TMPRSS15: variants seen among roughly 807,000 people sequenced by gnomAD.
The protein encoded by TMPRSS15 is enteropeptidase.
A neutral mutation model predicts 125.3 loss-of-function variants in TMPRSS15; 128 were observed. The ratio of observed to expected loss-of-function variants is 1.02; its 90% CI spans 0.89 to 1.18. The LOEUF is 1.18. Among genes scored for constraint, TMPRSS15 ranks in the 50% most tolerant of loss-of-function variants. TMPRSS15 has a pLI of 0.00. For missense variants in TMPRSS15, 1,283 were observed against 1,212.7 expected (o/e 1.06, Z -0.86); for synonymous variants, 446 against 423.2 (o/e 1.05, Z -0.66).
At chr21:18,386,334 TC>T (rs749075539) in intron 3 of TMPRSS15, among the ~76,000 whole-genome samples, 25 of 152,000 alleles carry the variant, frequency 1.6e-4, no homozygotes, top group East Asian at 1.4e-3. Flanking sequence ...ATAATTCCCA[TC>T]CCCCCACACT....
intron 21 of TMPRSS15, among the ~76,000 whole-genome samples, chr21:18,291,059 GAACTGC>G (rs1343246036): frequency 6.6e-6 from 1 of 152,154 alleles, no homozygotes; most frequent in Admixed American, 6.5e-5. Context: ...TCCTATGCAG[GAACTGC>G]AACACAATCA....
intron 1 of TMPRSS15, among the ~76,000 whole-genome samples, chr21:18,433,839 AAACT>A: frequency 6.6e-6 from 1 of 152,246 alleles, no homozygotes; most frequent in Admixed American, 6.5e-5. Flanking sequence ...TTTTGCAGAT[AAACT>A]GTAATTAACA....
At position 18,465,817 on chromosome 21, in the gene TMPRSS15, G is replaced by A. The variant is rs564979357; in HGVS notation, c.10+19982C>T. 1.7e-4 allele frequency among the ~76,000 whole-genome samples: 26 copies of A among 152,244 alleles called. 1 individual carries two copies. The highest frequency in any genetic ancestry group is 6.3e-4 in the African/African-American group (26 of 41,554). ...CTCATGGATAGGAAGAATCAATATG[G>A]TGAAAATGGCCATACTGCCCAAAGT... On this transcript the variant is annotated intron_variant, in intron 1 of 7. Transcript: ENST00000422787.
intron 1 of TMPRSS15, among the ~76,000 whole-genome samples, chr21:18,459,166 T>C (rs558371066): frequency 6.6e-6 from 1 of 152,334 alleles, no homozygotes; most frequent in South Asian, 2.1e-4. Flanking sequence ...GCAATAAATT[T>C]TCCCCCAGTT....
intron 14 of TMPRSS15, among the ~76,000 whole-genome samples, chr21:18,331,400 T>C (rs1200754299): frequency 6.6e-6 from 1 of 152,186 alleles, no homozygotes; most frequent in Non-Finnish European, 1.5e-5. Context: ...AGTGGAACCT[T>C]TGTAGGATGG....
At chr21:18,294,048 T>C (rs1292746454) in intron 21 of TMPRSS15, among the ~76,000 whole-genome samples, 1 of 152,278 alleles carries the variant, frequency 6.6e-6, no homozygotes, top group Non-Finnish European at 1.5e-5. Flanking sequence ...TAATATCTAA[T>C]GTAGAAGAAT....
chr21:18,440,569 G>T (rs987755277), intron 1 of TMPRSS15, among the ~76,000 whole-genome samples: 2 of 151,536 alleles, frequency 1.3e-5, no homozygotes, highest in East Asian at 1.9e-4. Context: ...GGATCATATG[G>T]CTTATTTTTC....
At chr21:18,312,896 T>C in intron 18 of TMPRSS15, 49 bp downstream of exon 18, 1 of 1,607,724 alleles carries the variant, frequency 6.2e-7, no homozygotes, top group Non-Finnish European at 8.5e-7. Flanking sequence ...TTGATAGTAA[T>C]AAAAAGGTTT....
chr21:18,392,229 GT>G, intron 3 of TMPRSS15, among the ~76,000 whole-genome samples: 1 of 152,248 alleles, frequency 6.6e-6, no homozygotes, highest in Middle Eastern at 3.4e-3. Flanking sequence ...CAGGAAATGG[GT>G]TTTTCTTTCT....
chr21:18,433,938 T>C (rs2076222402), intron 1 of TMPRSS15, among the ~76,000 whole-genome samples: 1 of 152,212 alleles, frequency 6.6e-6, no homozygotes, highest in African/African-American at 2.4e-5. Flanking sequence ...ATAAATGATC[T>C]GGCAATTGGA....
chr21:18,432,349 A>T (rs1034738656), intron 1 of TMPRSS15, among the ~76,000 whole-genome samples: 1 of 152,154 alleles, frequency 6.6e-6, no homozygotes, highest in African/African-American at 2.4e-5. Flanking sequence ...AAAATAATAG[A>T]ATCTTACTTT....
intron 23 of TMPRSS15, among the ~76,000 whole-genome samples, chr21:18,277,198 C>A (rs747737394): frequency 1.3e-5 from 2 of 152,122 alleles, no homozygotes; most frequent in Non-Finnish European, 2.9e-5. Flanking sequence ...AAATTGATCT[C>A]AGATACAGTT....
chr21:18,466,462 T>C (rs959571383), intron 1 of TMPRSS15, among the ~76,000 whole-genome samples: 3 of 150,374 alleles, frequency 2.0e-5, no homozygotes, highest in Non-Finnish European at 3.0e-5. Context: ...AAAACTACCG[T>C]CAGACTAAAC....
chr21:18,331,528 C>G (rs1241467359), intron 14 of TMPRSS15, among the ~76,000 whole-genome samples: 1 of 152,172 alleles, frequency 6.6e-6, no homozygotes, highest in Non-Finnish European at 1.5e-5. Context: ...TTTCTCTAGA[C>G]AAATTTTTTA....
At chr21:18,447,468 A>G (rs1460639743) in intron 1 of TMPRSS15, among the ~76,000 whole-genome samples, 3 of 151,184 alleles carry the variant, frequency 2.0e-5, no homozygotes, top group Non-Finnish European at 4.4e-5. Context: ...AGACATACAA[A>G]TGACAAACAA....
chr21:18,303,141 G>C (rs2824725), intron 18 of TMPRSS15, among the ~76,000 whole-genome samples: 118,499 of 152,012 alleles, frequency 0.78, 46,304 homozygotes, highest in African/African-American at 0.8. Flanking sequence ...GGGTCTCCAG[G>C]AATCTCAGAC....
In TMPRSS15 at chr21:18,293,921, T is replaced by C. The variant is rs1198635141; in HGVS notation, c.2486+349A>G. Among the ~76,000 whole-genome samples the C allele has an allele frequency of 4.6e-5, 7 of 152,326 alleles. No homozygotes were observed. In the East Asian group the frequency reaches 1.4e-3, roughly 29 times the overall value. ...AATAAATATTGGACAAATTGAATGG[T>C]AACCAGTACAATTTATACAATAAAT... On this transcript the variant is annotated intron_variant, in intron 21 of 24. Transcript: ENST00000284885.
chr21:18,416,727 T>A (rs2076181193), intron 1 of TMPRSS15, among the ~76,000 whole-genome samples: 2 of 152,090 alleles, frequency 1.3e-5, no homozygotes, highest in South Asian at 4.1e-4. Flanking sequence ...GTTTAAATTA[T>A]CTAGATGACT....
upstream of TMPRSS15, among the ~76,000 whole-genome samples, chr21:18,404,814 C>T (rs778264625): frequency 6.6e-6 from 1 of 151,772 alleles, no homozygotes; most frequent in Non-Finnish European, 1.5e-5. Context: ...TTGCCTGTTG[C>T]CCCCAAACTC....
Sources: allele counts gnomAD v4.1 joint callset (sites outside exome capture counted in the v4.1 genomes callset), GRCh38; gene constraint gnomAD v4.1.1; transcripts MANE v1.5; gene names NCBI Gene and HGNC (gene_info 2026-07-23, HGNC 2026-07-21).